DYNC2I1: variants seen among roughly 807,000 people sequenced by gnomAD.
The protein encoded by DYNC2I1 is dynein 2 intermediate chain 1.
Under a neutral mutation model 133.4 loss-of-function variants are expected in DYNC2I1, and 89 were observed. The ratio of observed to expected loss-of-function variants is 0.67; its 90% CI spans 0.56 to 0.80. The LOEUF is 0.80. Among genes scored for constraint, DYNC2I1 ranks in the 30% least tolerant of loss-of-function variants. The pLI is 0.00. For synonymous variants in DYNC2I1, 504 were observed against 484.3 expected, an observed-to-expected ratio of 1.04 and a Z score of -0.54; for missense variants, 1,291 against 1,314.5, an observed-to-expected ratio of 0.98 and a Z score of 0.28.
chr7:158,954,473 C>A (rs1852148526), intron 4 of DYNC2I1, among the ~76,000 whole-genome samples: 1 of 152,138 alleles, frequency 6.6e-6, no homozygotes, highest in African/African-American at 2.4e-5. Context: ...CATAGAGAAA[C>A]CCCATCTCTC....
At chr7:158,876,067 A>G (rs929840193) in intron 3 of DYNC2I1, among the ~76,000 whole-genome samples, 1 of 152,204 alleles carries the variant, frequency 6.6e-6, no homozygotes, top group African/African-American at 2.4e-5. Context: ...GAGAATTTAT[A>G]AAGAAAAGAG....
At chr7:158,878,774 AGGAGGGCC>A (rs1294655080) in intron 4 of DYNC2I1, among the ~76,000 whole-genome samples, 3 of 120,172 alleles carry the variant, frequency 2.5e-5, no homozygotes, top group Non-Finnish European at 5.1e-5. Context: ...AGGGGAGGCC[AGGAGGGCC>A]GACTCTGAGT....
rs778071471 is a variant in DYNC2I1, at chr7:158,879,927, C to T, written c.817C>T (p.Gln273Ter). ...TTTTCATTTTGATGATGAGAGGCAC[C>T]AAAGCAACGTGGATAGAAAAGAGAA... ...EGFHFDDERH[Q>*]SNVDRKEKSA... The change falls in exon 5 of 25, where the codon CAA becomes TAA. Residue 273 changes from glutamine (Q) to a stop codon, truncating the protein, a stop_gained. Coordinates refer to ENST00000407559, the MANE Select transcript of DYNC2I1 (RefSeq NM_018051.5). LOFTEE classifies it high-confidence loss of function. 1.6e-5 allele frequency: 25 copies of T among 1,611,388 alleles called. No homozygotes were observed. Among genetic ancestry groups the T allele is most frequent in the Non-Finnish European group, 2.1e-5 (25 of 1,179,266 alleles).
At position 158,857,873 on chromosome 7, in the gene DYNC2I1, C is replaced by T. The variant is rs543361215; in HGVS notation, c.15+1123C>T. Among the ~76,000 whole-genome samples, 160 of 151,504 alleles carry T rather than the reference C, an allele frequency of 1.1e-3. 1 individual carries two copies. The highest frequency in any genetic ancestry group is 3.7e-3 in the African/African-American group (153 of 41,256). On this transcript the variant is annotated intron_variant, in intron 1 of 24. Coordinates refer to ENST00000407559, the MANE Select transcript of DYNC2I1 (RefSeq NM_018051.5). ...TGGCACGATCTCTACTCACCGCAAC[C>T]TCCAACTCCTGGGTTCCAGCGATTC... is the stretch of plus-strand genomic sequence containing the variant.
At chr7:158,930,200 T>C (rs894905071) in intron 20 of DYNC2I1, among the ~76,000 whole-genome samples, 2 of 152,156 alleles carry the variant, frequency 1.3e-5, no homozygotes, top group South Asian at 2.1e-4. Context: ...TCTAATGATA[T>C]AAAGGCTCCC....
intron 21 of DYNC2I1, among the ~76,000 whole-genome samples, chr7:158,932,100 A>C (rs550876076): frequency 3.3e-5 from 5 of 152,250 alleles, no homozygotes; most frequent in African/African-American, 7.2e-5. Flanking sequence ...TGTACCCCGC[A>C]TCCCATCAGT....
chr7:158,932,203 C>T (rs565755555), intron 21 of DYNC2I1, among the ~76,000 whole-genome samples: 1 of 152,208 alleles, frequency 6.6e-6, no homozygotes, highest in Admixed American at 6.5e-5. Flanking sequence ...GGCCCCGTCC[C>T]TCAGGGTTGT....
intron 23 of DYNC2I1, among the ~76,000 whole-genome samples, chr7:158,938,625 G>A (rs113633500): frequency 0.01 from 1,525 of 152,094 alleles, 29 homozygotes; most frequent in African/African-American, 0.034. Context: ...ATGTGGTGGC[G>A]GGCACCTGTA....
rs1842299995 is a variant in DYNC2I1, at chr7:158,865,196, G to C, written c.16-4659G>C. On this transcript the variant is annotated intron_variant, in intron 1 of 24. Transcript: ENST00000407559. ...ACCTCTGATGGTGCACCTTGGAGGT[G>C]ATACCACCTTGGAAGTGATTTCAGC... Among the ~76,000 whole-genome samples, 4 of 152,210 alleles carry C rather than the reference G, an allele frequency of 2.6e-5. No homozygotes were observed. The South Asian group carries it at 8.3e-4, about 32-fold the overall frequency.
At chr7:158,916,668 C>G (rs1479322610) in intron 14 of DYNC2I1, among the ~76,000 whole-genome samples, 2 of 69,016 alleles carry the variant, frequency 2.9e-5, no homozygotes, top group Non-Finnish European at 6.7e-5. Context: ...ATTGTGAAAC[C>G]TCGACACGGT....
chr7:158,841,211 A>ATT, the DYNC2I1 span, among the ~76,000 whole-genome samples: 2 of 47,182 alleles, frequency 4.2e-5, no homozygotes, highest in African/African-American at 1.8e-4. Flanking sequence ...ATATATATAT[A>ATT]TATATATATA....
rs968042078 is a variant in DYNC2I1, at chr7:158,911,209, A to T, written c.1461-341A>T. On this transcript the variant is annotated intron_variant, in intron 11 of 24. Coordinates refer to ENST00000407559, the MANE Select transcript of DYNC2I1 (RefSeq NM_018051.5). ...GTATGTCAGCTCCTGAAGTCAAATG[A>T]ATTAGTCCTTAGGAACATCCCAGGC... 3.9e-5 allele frequency among the ~76,000 whole-genome samples: 6 copies of T among 152,344 alleles called. No individual in the cohort carries two copies. The South Asian group carries it at 1.2e-3, about 32-fold the overall frequency.
At chr7:158,897,218 A>G (rs1845839925) in intron 8 of DYNC2I1, among the ~76,000 whole-genome samples, 1 of 151,692 alleles carries the variant, frequency 6.6e-6, no homozygotes, top group South Asian at 2.1e-4. Context: ...TCTTGACCTC[A>G]GGTAATTCAC....
chr7:158,854,024 T>G (rs368985309), upstream of DYNC2I1, among the ~76,000 whole-genome samples: 15 of 143,996 alleles, frequency 1.0e-4, no homozygotes, highest in South Asian at 2.3e-4. Flanking sequence ...ATTTAGTGGG[T>G]GGGGGGGCGT....
chr7:158,956,537 G>A (rs1563223573), intron 4 of DYNC2I1: 2 of 152,510 alleles, frequency 1.3e-5, no homozygotes, highest in South Asian at 2.1e-4. Context: ...AAGCCAGGAC[G>A]AGAGTACTCC....
At chr7:158,891,369 T>C (rs779914446) in intron 8 of DYNC2I1, 36 bp downstream of exon 8, 2 of 1,612,940 alleles carry the variant, frequency 1.2e-6, no homozygotes, top group Non-Finnish European at 1.7e-6. Flanking sequence ...TTTGCAATCC[T>C]GTCCCAGCAC....
intron 3 of DYNC2I1, among the ~76,000 whole-genome samples, chr7:158,874,132 G>A (rs1843130603): frequency 6.6e-6 from 1 of 151,994 alleles, no homozygotes; most frequent in Non-Finnish European, 1.5e-5. Flanking sequence ...TCTTGAACTG[G>A]TCTCTAGCAG....
chr7:158,894,203 C>T (rs955053562), intron 8 of DYNC2I1, among the ~76,000 whole-genome samples: 9 of 150,120 alleles, frequency 6.0e-5, no homozygotes, highest in Admixed American at 2.7e-4. Flanking sequence ...CATATCATAC[C>T]GTATATCATA....
At chr7:158,892,809 C>T (rs910093619) in intron 8 of DYNC2I1, among the ~76,000 whole-genome samples, 16 of 151,776 alleles carry the variant, frequency 1.1e-4, no homozygotes, top group African/African-American at 4.8e-5. Context: ...GGTGTGGTGG[C>T]GCGTGCCTGT....
Sources: gnomAD v4.1 joint callset for allele counts (sites outside exome capture counted in the v4.1 genomes callset) on GRCh38, gnomAD v4.1.1 for gene constraint, MANE v1.5 for transcripts, NCBI Gene and HGNC (gene_info 2026-07-23, HGNC 2026-07-21) for gene names.